TARBP1: variants seen among roughly 807,000 people sequenced by gnomAD.
TARBP1 encodes tRNA guanosine 2 -O-methyltransferase TARBP1, also known as tRNA (guanosine(18)-2'-O)-methyltransferase TARBP1.
A neutral mutation model predicts 178.6 loss-of-function variants in TARBP1; 144 were observed. The ratio of observed to expected loss-of-function variants is 0.81; its 90% confidence interval spans 0.70 to 0.93. TARBP1 has a LOEUF of 0.93. TARBP1 is among the 40% of genes least tolerant of loss of function. The probability of loss-of-function intolerance (pLI) is 0.00; values close to 1 mark genes in which losing one functional copy is unlikely to be tolerated. For synonymous variants in TARBP1, 787 were observed against 781.0 expected (o/e 1.01, Z -0.13); for missense variants, 2,067 against 2,011.7 (o/e 1.03, Z -0.53).
chr1:234,428,690 C>T (rs557340821), intron 17 of TARBP1, among the ~76,000 whole-genome samples: 12 of 152,084 alleles, frequency 7.9e-5, no homozygotes, highest in Non-Finnish European at 1.3e-4. Context: ...GGATTACAGG[C>T]GTGCGCCACC....
At position 234,398,501 on chromosome 1, in the gene TARBP1, A is replaced by T. The variant is rs1660368748; in HGVS notation, c.4124T>A (p.Ile1375Asn). The change falls in exon 26 of 30, where the codon ATC becomes AAC. Residue 1375 changes from isoleucine (I) to asparagine (N), a missense_variant. Ile to Asn is a moderately radical substitution (Grantham distance 149). Transcript: ENST00000040877. ...GAATCTGGTAAATTTATCAATGGTG[A>T]TCCATTCATCTTCAATAAGGCCTGA... ...RLSGLIEDEWITIDKFTRFTD... is the reference protein window; with the variant it reads ...RLSGLIEDEWNTIDKFTRFTD... The T allele has an allele frequency of 6.2e-7, 1 of 1,610,190 alleles. No individual in the cohort carries two copies. Among genetic ancestry groups the T allele is most frequent in the African/African-American group, 1.3e-5 (1 of 74,888 alleles).
chr1:234,442,798 A>G (rs919137699), intron 12 of TARBP1, among the ~76,000 whole-genome samples: 3 of 152,198 alleles, frequency 2.0e-5, no homozygotes, highest in Admixed American at 1.3e-4. Context: ...AGAGAGAACA[A>G]AAAGACTTGA....
chr1:234,447,396 T>TTTTTTTTTTC lies in TARBP1; in HGVS notation c.1962-422_1962-421insGAAAAAAAAA, dbSNP rs1268343516. Reference sequence around the variant, plus strand: ...ATTTATTAAAAACTGTTAACCAACTTTTTTTTTTTTTTTTTTGAGATGGGG... The same window carrying TTTTTTTTTTC: ...ATTTATTAAAAACTGTTAACCAACTTTTTTTTTTTCTTTTTTTTTTTTTTTTGAGATGGGG... On this transcript the variant is annotated intron_variant, in intron 11 of 29. Coordinates refer to ENST00000040877, the MANE Select transcript of TARBP1 (RefSeq NM_005646.4). Among the ~76,000 whole-genome samples, 7 of 139,864 alleles carry TTTTTTTTTTC rather than the reference T, an allele frequency of 5.0e-5. 1 individual carries two copies. The highest frequency in any genetic ancestry group is 1.9e-4 in the African/African-American group (7 of 37,346). 91.8% of individuals were successfully genotyped at this position (139,864 alleles called of 152,430 possible). A position where few individuals can be genotyped will look rare whatever the true frequency, so the allele number is the denominator to read the frequency against.
At chr1:234,474,945 G>A (rs79989042) in intron 1 of TARBP1, among the ~76,000 whole-genome samples, 1 of 152,150 alleles carries the variant, frequency 6.6e-6, no homozygotes, top group Non-Finnish European at 1.5e-5. Context: ...GAAGGAAGGC[G>A]CTCCAAGAAT....
chr1:234,399,802 G>A (rs1007545297), intron 25 of TARBP1, among the ~76,000 whole-genome samples: 4 of 147,450 alleles, frequency 2.7e-5, no homozygotes, highest in African/African-American at 1.0e-4. Context: ...ACCAAACACC[G>A]CATATTCTCA....
intron 24 of TARBP1, among the ~76,000 whole-genome samples, chr1:234,401,910 A>G (rs1030394293): frequency 6.6e-6 from 1 of 151,826 alleles, no homozygotes; most frequent in Non-Finnish European, 1.5e-5. Flanking sequence ...TCTTCCTGCC[A>G]CCTCCTTACC....
intron 26 of TARBP1, among the ~76,000 whole-genome samples, chr1:234,395,729 T>C (rs1451707098): frequency 6.6e-6 from 1 of 152,106 alleles, no homozygotes; most frequent in East Asian, 1.9e-4. Flanking sequence ...CATTAATAAA[T>C]GTGTTCTGGG....
At chr1:234,400,853 C>G (rs1660610397) in intron 25 of TARBP1, 1 of 184,920 alleles carries the variant, frequency 5.4e-6, no homozygotes, top group African/African-American at 2.4e-5. Context: ...GAAATCTCAC[C>G]TGCACAAATG....
intron 8 of TARBP1, 21 bp downstream of exon 8, chr1:234,459,209 A>C: frequency 6.3e-7 from 1 of 1,589,098 alleles, no homozygotes; most frequent in Non-Finnish European, 8.6e-7. Context: ...TGTAAATGGA[A>C]GTAACAAAAG....
intron 17 of TARBP1, among the ~76,000 whole-genome samples, chr1:234,428,132 T>C (rs767478356): frequency 2.4e-4 from 37 of 152,078 alleles, no homozygotes; most frequent in Non-Finnish European, 4.3e-4. Context: ...TCTCTAACTA[T>C]GTACTGTGGG....
At chr1:234,441,843 T>A (rs140100703) in intron 12 of TARBP1, among the ~76,000 whole-genome samples, 88 of 152,326 alleles carry the variant, frequency 5.8e-4, no homozygotes, top group African/African-American at 2.0e-3. Context: ...CTTAAGATAA[T>A]GTTTTCAAGG....
intron 26 of TARBP1, among the ~76,000 whole-genome samples, chr1:234,395,877 A>T (rs1439131904): frequency 6.6e-6 from 1 of 152,152 alleles, no homozygotes. Flanking sequence ...ACTATAGGTA[A>T]CAATAATGTA....
chr1:234,402,618 A>G (rs1207059557), intron 24 of TARBP1, among the ~76,000 whole-genome samples: 1 of 151,830 alleles, frequency 6.6e-6, no homozygotes, highest in Non-Finnish European at 1.5e-5. Flanking sequence ...CTCGGTTGCC[A>G]GGCTGGAGTG....
intron 13 of TARBP1, among the ~76,000 whole-genome samples, chr1:234,435,873 C>T (rs270500): frequency 0.38 from 57,014 of 151,932 alleles, 11,137 homozygotes; most frequent in South Asian, 0.47. Flanking sequence ...TGAAATCGGC[C>T]GTGGAAATTG....
intron 14 of TARBP1, 143 bp downstream of exon 14, chr1:234,433,267 C>T (rs17312418): frequency 0.011 from 9,827 of 878,240 alleles, 76 homozygotes; most frequent in Non-Finnish European, 0.014. Flanking sequence ...ATCTTAACTA[C>T]ATCTTATCAC....
At chr1:234,399,787 G>A (rs1051785874) in intron 25 of TARBP1, among the ~76,000 whole-genome samples, 14 of 149,044 alleles carry the variant, frequency 9.4e-5, no homozygotes, top group Non-Finnish European at 1.9e-4. Context: ...TCGCAAGAAC[G>A]AAAAACCAAA....
At chr1:234,396,765 TA>T (rs1023161644) in intron 26 of TARBP1, among the ~76,000 whole-genome samples, 3 of 149,766 alleles carry the variant, frequency 2.0e-5, no homozygotes, top group South Asian at 2.1e-4. Flanking sequence ...AATTGGCCTT[TA>T]AAAAAAAAGA....
chr1:234,434,506 A>G (rs1426447472), intron 13 of TARBP1, among the ~76,000 whole-genome samples: 2 of 152,216 alleles, frequency 1.3e-5, no homozygotes, highest in African/African-American at 4.8e-5. Flanking sequence ...AAGGATTCCT[A>G]AGTTTTTGGC....
intron 9 of TARBP1, among the ~76,000 whole-genome samples, chr1:234,454,129 A>C (rs985147797): frequency 1.3e-5 from 2 of 152,210 alleles, no homozygotes; most frequent in African/African-American, 2.4e-5. Flanking sequence ...AATATGGGCT[A>C]ACCGTAGCCT....
Sources: gnomAD v4.1 joint callset for allele counts (sites outside exome capture counted in the v4.1 genomes callset) on GRCh38, gnomAD v4.1.1 for gene constraint, MANE v1.5 for transcripts, NCBI Gene and HGNC (gene_info 2026-07-23, HGNC 2026-07-21) for gene names.